Variants in NTM observed in about 807,000 individuals in gnomAD.
The protein encoded by NTM is IgLON family member 2.
In NTM, 13 loss-of-function variants were observed where a neutral mutation model predicts 42.1. The observed-to-expected ratio is 0.31, with a 90% CI of 0.20 to 0.49. NTM has a LOEUF of 0.49. Among genes scored for constraint, NTM ranks in the 20% least tolerant of loss-of-function variants. NTM has a pLI of 0.99. For missense variants in NTM, 373 were observed against 452.8 expected (o/e 0.82, Z 1.60); for synonymous variants, 187 against 179.2 (o/e 1.04, Z -0.35).
At position 132,212,032 on chromosome 11, in the gene NTM, A is replaced by G. The variant is rs1263853303; in HGVS notation, c.411A>G (p.Lys137=). 4.4e-6 allele frequency: 7 copies of G among 1,608,622 alleles called. No homozygotes were observed. Among genetic ancestry groups the G allele is most frequent in the Non-Finnish European group, 5.9e-6 (7 of 1,178,482 alleles). The part of the protein sequence containing the change: ...RVHLIVQVSP[K]IVEISSDISI... ...GTCTTGTTTCCACAGTATCTCCCAA[A>G]ATTGTAGAGATTTCTTCAGATATCT... Residue 137 remains lysine (K), a synonymous_variant, in exon 4 of 9, where the codon AAA becomes AAG. Transcript: ENST00000683400.
intron 1 of NTM, among the ~76,000 whole-genome samples, chr11:131,540,025 G>A (rs78152392): frequency 1.3e-5 from 2 of 152,096 alleles, no homozygotes; most frequent in Admixed American, 1.3e-4. Flanking sequence ...TGCTCACTAC[G>A]GTCCTGTCAC....
chr11:131,521,308 C>A (rs1247400068), intron 1 of NTM, among the ~76,000 whole-genome samples: 1 of 136,090 alleles, frequency 7.3e-6, no homozygotes, highest in African/African-American at 2.9e-5. Flanking sequence ...GAGTGAGACT[C>A]CATCTCAGAA....
intron 2 of NTM, among the ~76,000 whole-genome samples, chr11:131,944,006 A>G (rs1352026162): frequency 6.6e-6 from 1 of 152,030 alleles, no homozygotes; most frequent in Non-Finnish European, 1.5e-5. Flanking sequence ...TTTGGGCGTT[A>G]TTTGTATGTG....
In NTM at chr11:131,888,343, G is replaced by A. The variant is rs368574751; in HGVS notation, c.83-23221G>A. The stretch of plus-strand genomic sequence containing the variant: ...ATGAATGAGACCATGGATACCACCC[G>A]GCCTGTTTTGGAGAGGGCATTTCAC... On this transcript the variant is annotated intron_variant, in intron 1 of 8. Transcript: ENST00000683400. 2.0e-5 allele frequency among the ~76,000 whole-genome samples: 3 copies of A among 152,176 alleles called. No individual in the cohort carries two copies. The East Asian group carries it at 5.8e-4, about 29-fold the overall frequency.
At chr11:132,206,246 A>T (rs1210816092) in intron 3 of NTM, among the ~76,000 whole-genome samples, 1 of 152,252 alleles carries the variant, frequency 6.6e-6, no homozygotes, top group East Asian at 1.9e-4. Flanking sequence ...AAAAAACTTC[A>T]AATGCTTGTC....
intron 3 of NTM, among the ~76,000 whole-genome samples, chr11:132,172,504 A>AC (rs1198586471): frequency 6.6e-6 from 1 of 152,166 alleles, no homozygotes; most frequent in African/African-American, 2.4e-5. Context: ...GCTGGAAATC[A>AC]CCCTCACTTG....
At chr11:132,315,112 G>A in intron 7 of NTM, 1 of 988,564 alleles carries the variant, frequency 1.0e-6, no homozygotes, top group Non-Finnish European at 1.2e-6. Context: ...TGGCTCCTAA[G>A]CTGACTGTGG....
At chr11:131,806,566 T>A (rs1015346961) in intron 1 of NTM, among the ~76,000 whole-genome samples, 1 of 152,172 alleles carries the variant, frequency 6.6e-6, no homozygotes, top group African/African-American at 2.4e-5. Flanking sequence ...ATAATTTATA[T>A]TATCTGTACT....
At chr11:131,665,991 T>G (rs1565396104) in intron 1 of NTM, among the ~76,000 whole-genome samples, 1 of 152,262 alleles carries the variant, frequency 6.6e-6, no homozygotes, top group Non-Finnish European at 1.5e-5. Context: ...ACTCAATTTC[T>G]CTTAATGGTC....
At chr11:131,870,550 CCCT>C (rs1162479984) in intron 1 of NTM, among the ~76,000 whole-genome samples, 1 of 152,066 alleles carries the variant, frequency 6.6e-6, no homozygotes, top group African/African-American at 2.4e-5. Context: ...CCAGCGAGGG[CCCT>C]CCTCTTTAAG....
At chr11:131,811,165 T>C (rs2092714943) in intron 1 of NTM, among the ~76,000 whole-genome samples, 1 of 152,180 alleles carries the variant, frequency 6.6e-6, no homozygotes, top group Admixed American at 6.5e-5. Context: ...AGTGGTTATG[T>C]GGCCAGTATC....
chr11:131,415,994 T>C (rs1946906046), intron 1 of NTM, among the ~76,000 whole-genome samples: 1 of 152,220 alleles, frequency 6.6e-6, no homozygotes, highest in Admixed American at 6.5e-5. Flanking sequence ...AAATACAGAA[T>C]GTCCAGTTAT....
chr11:132,300,020 C>T (rs1037800446), intron 4 of NTM, among the ~76,000 whole-genome samples: 20 of 151,952 alleles, frequency 1.3e-4, no homozygotes, highest in Admixed American at 7.2e-4. Flanking sequence ...TGCAGCTATA[C>T]CTGCTTTTTT....
At chr11:132,286,476 G>T (rs1004248138) in intron 4 of NTM, among the ~76,000 whole-genome samples, 1 of 152,176 alleles carries the variant, frequency 6.6e-6, no homozygotes, top group Non-Finnish European at 1.5e-5. Flanking sequence ...TTAGGTAAAT[G>T]CTAGAGAAGA....
At chr11:131,527,344 A>T (rs1229835434) in intron 1 of NTM, among the ~76,000 whole-genome samples, 3 of 151,930 alleles carry the variant, frequency 2.0e-5, no homozygotes, top group African/African-American at 7.3e-5. Flanking sequence ...CCCTTACTTC[A>T]TCTCTAGTTC....
rs371353789 is a variant in NTM, at chr11:131,890,156, G to GTC, written c.83-21388_83-21387dup. On this transcript the variant is annotated intron_variant, in intron 1 of 8. Coordinates refer to ENST00000683400, the MANE Select transcript of NTM (RefSeq NM_001352005.2). ...TCTCTCCCTCTCTCTCTCTCTCTCT[G>GTC]TCTCTCTCTCTCTCTCTCTCTGTCT... is the stretch of plus-strand genomic sequence containing the variant. 5.3e-4 allele frequency among the ~76,000 whole-genome samples: 29 copies of GTC among 54,998 alleles called. 1 individual carries two copies. Among genetic ancestry groups the GTC allele is most frequent in the South Asian group, 4.0e-3 (8 of 1,996 alleles). 36.1% of individuals were successfully genotyped at this position (54,998 alleles called of 152,430 possible).
chr11:131,382,486 C>T (rs1942810478), intron 1 of NTM, among the ~76,000 whole-genome samples: 1 of 152,060 alleles, frequency 6.6e-6, no homozygotes, highest in African/African-American at 2.4e-5. Flanking sequence ...ATAAAGTTAT[C>T]ATCACTTGTG....
chr11:131,599,694 T>C (rs1343233856), intron 1 of NTM, among the ~76,000 whole-genome samples: 2 of 152,208 alleles, frequency 1.3e-5, no homozygotes, highest in Non-Finnish European at 2.9e-5. Context: ...AATGAAATAT[T>C]GTCATGTGAC....
At chr11:132,213,730 C>CTTTT (rs59685389) in intron 4 of NTM, among the ~76,000 whole-genome samples, 121 of 80,496 alleles carry the variant, frequency 1.5e-3, no homozygotes, top group East Asian at 2.4e-3. Context: ...GGCCACCATT[C>CTTTT]TTTTTTTTTT....
Sources: allele counts gnomAD v4.1 joint callset (sites outside exome capture counted in the v4.1 genomes callset), GRCh38; gene constraint gnomAD v4.1.1; transcripts MANE v1.5; gene names NCBI Gene and HGNC (gene_info 2026-07-23, HGNC 2026-07-21).